Variants in USP34 observed in about 807,000 individuals in gnomAD.
USP34 encodes the protein ubiquitin specific peptidase 34, also known as ubiquitin carboxyl-terminal hydrolase 34.
USP34 carries 70 observed loss-of-function variants against 460.3 expected under a neutral mutation model. The ratio of observed to expected loss-of-function variants is 0.15; its 90% CI spans 0.13 to 0.19. USP34 has a LOEUF of 0.19. Ranked by LOEUF, USP34 falls within the 10% of genes least tolerant of loss-of-function variation. The pLI is 1.00. For missense variants in USP34, 3,985 were observed against 4,236.2 expected, an observed-to-expected ratio of 0.94 and a Z score of 1.65; for synonymous variants, 1,647 against 1,405.3, an observed-to-expected ratio of 1.17 and a Z score of -3.85.
Position 61,290,045 on chromosome 2 carries a change from T to TAC in USP34, c.4549-1170_4549-1169dup, listed in dbSNP as rs527298533. ...GGGAAAAGACCATCTCACAACTATA[T>TAC]ACTAAGACATTTCACAAAAGAAGAT... On this transcript the variant is annotated intron_variant, in intron 33 of 79. Coordinates refer to ENST00000398571, the MANE Select transcript of USP34 (RefSeq NM_014709.4). 7.2e-5 allele frequency among the ~76,000 whole-genome samples: 11 copies of TAC among 152,244 alleles called. No homozygotes were observed. In the East Asian group the frequency reaches 1.3e-3, roughly 19 times the overall value.
chr2:61,447,683 G>C (rs927667216), intron 1 of USP34, among the ~76,000 whole-genome samples: 4 of 152,090 alleles, frequency 2.6e-5, no homozygotes, highest in African/African-American at 9.7e-5. Context: ...TACAAGATCT[G>C]TGAAATTGGT....
intron 8 of USP34, among the ~76,000 whole-genome samples, 193 bp from the exon 9 acceptor site, chr2:61,370,772 C>G (rs1314790718): frequency 1.3e-5 from 2 of 151,966 alleles, no homozygotes; most frequent in African/African-American, 2.4e-5. Context: ...TTCAAATTCC[C>G]TGAGTTTATA....
intron 1 of USP34, among the ~76,000 whole-genome samples, chr2:61,435,131 C>T (rs916172263): frequency 7.3e-5 from 11 of 151,456 alleles, no homozygotes; most frequent in Non-Finnish European, 1.3e-4. Context: ...TGGTGAGACC[C>T]CATCTCTACA....
chr2:61,345,363 A>G (rs1353683354), intron 15 of USP34, among the ~76,000 whole-genome samples: 3 of 152,236 alleles, frequency 2.0e-5, no homozygotes, highest in Non-Finnish European at 4.4e-5. Flanking sequence ...GCTAAGAATT[A>G]AAAAGCAAAG....
intron 1 of USP34, among the ~76,000 whole-genome samples, chr2:61,457,184 G>A (rs375210252): frequency 2.6e-5 from 4 of 152,314 alleles, no homozygotes; most frequent in African/African-American, 9.6e-5. Flanking sequence ...GCTGAGGTGG[G>A]AGGATCTCTT....
chr2:61,327,101 A>G (rs954561151), intron 20 of USP34, among the ~76,000 whole-genome samples: 2 of 152,010 alleles, frequency 1.3e-5, no homozygotes, highest in African/African-American at 4.8e-5. Flanking sequence ...ATCTTAATTC[A>G]ATGTCCTGTA....
At position 61,187,738 on chromosome 2, in the gene USP34, C is replaced by T; in HGVS notation, c.*364G>A. 1 of 492,872 alleles carries T rather than the reference C, an allele frequency of 2.0e-6. No individual in the cohort carries two copies. The allele number at this position is 492,872 out of a possible 1,614,324, so 30.5% of individuals were successfully genotyped here. A position where few individuals can be genotyped will look rare whatever the true frequency, so the allele number is the denominator to read the frequency against. On this transcript the variant is annotated 3_prime_UTR_variant, in exon 80 of 80. Coordinates refer to ENST00000398571, the MANE Select transcript of USP34 (RefSeq NM_014709.4). ...GGAGGCAATCTGCCTCTATAAGGTACAAAACTGGCACAGAGGACACCATAT... is the reference window on the plus strand; with the variant it reads ...GGAGGCAATCTGCCTCTATAAGGTATAAAACTGGCACAGAGGACACCATAT...
At chr2:61,263,016 C>T (rs1055579459) in intron 43 of USP34, among the ~76,000 whole-genome samples, 2 of 146,604 alleles carry the variant, frequency 1.4e-5, no homozygotes, top group Non-Finnish European at 3.0e-5. Context: ...CCTTTGTCCA[C>T]TTTTTTTTTT....
intron 32 of USP34, among the ~76,000 whole-genome samples, chr2:61,294,676 CT>C (rs1170668145): frequency 3.9e-5 from 6 of 152,174 alleles, no homozygotes; most frequent in African/African-American, 1.4e-4. Context: ...CCGTCTCAGC[CT>C]CCCAAAGGGC....
intron 15 of USP34, 62 bp downstream of exon 15, chr2:61,347,808 A>G: frequency 1.3e-6 from 2 of 1,565,522 alleles, no homozygotes; most frequent in Non-Finnish European, 1.7e-6. Flanking sequence ...CAAATTGAAT[A>G]TAGGATATAA....
At chr2:61,401,114 G>A (rs1234689124) in intron 3 of USP34, among the ~76,000 whole-genome samples, 3 of 133,238 alleles carry the variant, frequency 2.3e-5, no homozygotes, top group Non-Finnish European at 3.0e-5. Flanking sequence ...TCGCGCCATT[G>A]CACTCTAGCC....
At chr2:61,262,136 T>C (rs28713578) in intron 43 of USP34, among the ~76,000 whole-genome samples, 2 of 124,280 alleles carry the variant, frequency 1.6e-5, no homozygotes, top group African/African-American at 6.3e-5. Context: ...TATATATAGA[T>C]AGATAGATAG....
At chr2:61,326,870 G>T (rs1691108674) in intron 20 of USP34, among the ~76,000 whole-genome samples, 1 of 141,714 alleles carries the variant, frequency 7.1e-6, no homozygotes. Flanking sequence ...TGCAACCTCC[G>T]CCTCCTGGGT....
intron 43 of USP34, among the ~76,000 whole-genome samples, chr2:61,262,466 T>G (rs903630806): frequency 2.6e-5 from 4 of 152,188 alleles, no homozygotes; most frequent in African/African-American, 9.7e-5. Flanking sequence ...TTAGTTCACT[T>G]AGGATAATGG....
Position 61,187,732 on chromosome 2 carries a change from A to G in USP34, c.*370T>C. Reference sequence around the variant, plus strand: ...GCGATCGGAGGCAATCTGCCTCTATAAGGTACAAAACTGGCACAGAGGACA... The same window carrying G: ...GCGATCGGAGGCAATCTGCCTCTATGAGGTACAAAACTGGCACAGAGGACA... On this transcript the variant is annotated 3_prime_UTR_variant, in exon 80 of 80. Transcript: ENST00000398571. 1 of 470,070 alleles carries G rather than the reference A, an allele frequency of 2.1e-6. No individual in the cohort carries two copies. Among genetic ancestry groups the G allele is most frequent in the Non-Finnish European group, 2.9e-6 (1 of 344,498 alleles). 29.1% of individuals were successfully genotyped at this position (470,070 alleles called of 1,614,324 possible). A position where few individuals can be genotyped will look rare whatever the true frequency, so the allele number is the denominator to read the frequency against.
intron 35 of USP34, among the ~76,000 whole-genome samples, chr2:61,284,563 C>G (rs1689632240): frequency 6.6e-6 from 1 of 152,052 alleles, no homozygotes; most frequent in East Asian, 1.9e-4. Flanking sequence ...AAATTTTACT[C>G]TAGCTATTAA....
chr2:61,239,065 C>G (rs1410432033), intron 53 of USP34, among the ~76,000 whole-genome samples: 1 of 151,910 alleles, frequency 6.6e-6, no homozygotes, highest in East Asian at 1.9e-4. Context: ...ACGAACTACA[C>G]CCATATAAGA....
intron 65 of USP34, 116 bp from the exon 66 acceptor site, chr2:61,221,722 G>T: frequency 1.1e-6 from 1 of 910,650 alleles, no homozygotes; most frequent in Non-Finnish European, 1.6e-6. Flanking sequence ...GGGAAGGAGA[G>T]CTCAGCCAGT....
intron 41 of USP34, among the ~76,000 whole-genome samples, chr2:61,266,491 C>T (rs529372353): frequency 9.2e-5 from 14 of 152,210 alleles, no homozygotes; most frequent in African/African-American, 3.1e-4. Flanking sequence ...GTCTGACTGG[C>T]GCTTCTGCAT....
Sources: allele counts gnomAD v4.1 joint callset (sites outside exome capture counted in the v4.1 genomes callset), GRCh38; gene constraint gnomAD v4.1.1; transcripts MANE v1.5; gene names NCBI Gene and HGNC (gene_info 2026-07-23, HGNC 2026-07-21).